Variants in PDE4D observed in about 807,000 individuals in gnomAD.
PDE4D encodes the protein phosphodiesterase 4D.
In PDE4D, 24 loss-of-function variants were observed where a neutral mutation model predicts 87.4. The ratio of observed to expected loss-of-function variants is 0.27; its 90% CI spans 0.20 to 0.39. The LOEUF is 0.39. Among genes scored for constraint, PDE4D ranks in the 10% least tolerant of loss-of-function variants. The pLI is 1.00. For missense variants in PDE4D, 714 were observed against 1,041.0 expected (o/e 0.69, Z 4.32); for synonymous variants, 384 against 383.2 (o/e 1.00, Z -0.02).
intron 2 of PDE4D, among the ~76,000 whole-genome samples, chr5:59,213,678 C>A (rs981434126): frequency 2.0e-5 from 3 of 152,118 alleles, no homozygotes. Context: ...TTTCCACTTT[C>A]AATTCACTCC....
chr5:59,414,932 CG>C (rs537108539), intron 1 of PDE4D, among the ~76,000 whole-genome samples: 44 of 152,170 alleles, frequency 2.9e-4, no homozygotes, highest in African/African-American at 1.0e-3. Context: ...CTGGAAGTGA[CG>C]GGCAGTGAAG....
chr5:59,353,893 A>C (rs1780932185), intron 1 of PDE4D, among the ~76,000 whole-genome samples: 1 of 152,196 alleles, frequency 6.6e-6, no homozygotes, highest in Non-Finnish European at 1.5e-5. Context: ...TATTTTGAGC[A>C]TTGTAAAACT....
rs117845920 is a variant in PDE4D, at chr5:60,409,458, C to G, written c.-90+78484G>C. Reference sequence around the variant, plus strand: ...CACAAGTGCTCTGAAGTTATGGTCTCTTCCCTAAAACCAGAAGCTATCCAA... The same window carrying G: ...CACAAGTGCTCTGAAGTTATGGTCTGTTCCCTAAAACCAGAAGCTATCCAA... On this transcript the variant is annotated intron_variant, in intron 1 of 16. Transcript: ENST00000502484. Among the ~76,000 whole-genome samples the G allele has an allele frequency of 6.4e-4, 97 of 152,204 alleles. 1 individual carries two copies. The East Asian group carries it at 0.018, about 28-fold the overall frequency.
At chr5:59,853,836 T>G (rs1248605852) in intron 1 of PDE4D, among the ~76,000 whole-genome samples, 3 of 152,054 alleles carry the variant, frequency 2.0e-5, no homozygotes, top group African/African-American at 7.2e-5. Flanking sequence ...ATCTTGCTCT[T>G]TTTTGGTTTC....
At chr5:59,293,989 T>C (rs1392440733) in intron 1 of PDE4D, among the ~76,000 whole-genome samples, 6 of 152,148 alleles carry the variant, frequency 3.9e-5, no homozygotes, top group Non-Finnish European at 2.9e-5. Flanking sequence ...CCCAACTCCT[T>C]GGAGATCATT....
At chr5:59,712,393 C>CATATATATAT (rs5868190) in intron 1 of PDE4D, among the ~76,000 whole-genome samples, 287 of 122,532 alleles carry the variant, frequency 2.3e-3, no homozygotes, top group African/African-American at 4.3e-3. Flanking sequence ...TAATATTATT[C>CATATATATAT]ATATATATAT....
chr5:59,964,501 G>C (rs867877907), intron 3 of PDE4D, among the ~76,000 whole-genome samples: 2 of 152,028 alleles, frequency 1.3e-5, no homozygotes, highest in South Asian at 4.1e-4. Context: ...TCCTTCTCCT[G>C]AGTGTCCACA....
At chr5:59,019,124 T>C (rs1045614972) in intron 6 of PDE4D, among the ~76,000 whole-genome samples, 1 of 152,112 alleles carries the variant, frequency 6.6e-6, no homozygotes, top group African/African-American at 2.4e-5. Flanking sequence ...ATTCTGTCCA[T>C]TATTCAGGTT....
chr5:59,782,341 C>T (rs185342270), intron 1 of PDE4D, among the ~76,000 whole-genome samples: 5 of 152,292 alleles, frequency 3.3e-5, no homozygotes, highest in Admixed American at 2.0e-4. Context: ...GCTTAGTACC[C>T]ACTTTTTAAA....
intron 5 of PDE4D, among the ~76,000 whole-genome samples, chr5:59,060,918 A>T (rs1489103380): frequency 6.6e-6 from 1 of 152,078 alleles, no homozygotes; most frequent in Non-Finnish European, 1.5e-5. Flanking sequence ...CATTGTGAGG[A>T]ACCAAAAAAT....
In PDE4D at chr5:59,480,282, T is replaced by C. The variant is rs1371588934; in HGVS notation, c.456-264314A>G. ...ATAGAATAGTTTACATTAGAATAAATGTAACATTAGAATAAATGCAACATT... is the reference window on the plus strand; with the variant it reads ...ATAGAATAGTTTACATTAGAATAAACGTAACATTAGAATAAATGCAACATT... On this transcript the variant is annotated intron_variant, in intron 1 of 14. Coordinates refer to ENST00000340635, the MANE Select transcript of PDE4D (RefSeq NM_001104631.2). Among the ~76,000 whole-genome samples, 11 of 152,122 alleles carry C rather than the reference T, an allele frequency of 7.2e-5. No individual in the cohort carries two copies. In the East Asian group the frequency reaches 2.1e-3, roughly 29 times the overall value.
chr5:59,905,917 A>G (rs1297477415), intron 3 of PDE4D, among the ~76,000 whole-genome samples: 2 of 152,130 alleles, frequency 1.3e-5, no homozygotes, highest in Non-Finnish European at 2.9e-5. Context: ...TTAGTGAGAT[A>G]AAGAGCTTCT....
At chr5:59,416,287 G>C (rs934601173) in intron 1 of PDE4D, among the ~76,000 whole-genome samples, 1 of 152,124 alleles carries the variant, frequency 6.6e-6, no homozygotes, top group Admixed American at 6.6e-5. Flanking sequence ...AATTTTATCA[G>C]AGAATCCCAG....
intron 3 of PDE4D, among the ~76,000 whole-genome samples, chr5:59,187,527 T>C (rs528456444): frequency 1.1e-3 from 174 of 152,308 alleles, no homozygotes; most frequent in African/African-American, 3.8e-3. Context: ...AGTATTATTC[T>C]TTATATTTTA....
At chr5:59,758,425 CA>C (rs1338435400) in intron 1 of PDE4D, among the ~76,000 whole-genome samples, 1 of 152,142 alleles carries the variant, frequency 6.6e-6, no homozygotes, top group East Asian at 1.9e-4. Flanking sequence ...AATTTCTTCT[CA>C]GATCAACTTT....
intron 1 of PDE4D, among the ~76,000 whole-genome samples, chr5:59,266,171 A>C (rs1008107250): frequency 6.6e-6 from 1 of 151,938 alleles, no homozygotes; most frequent in Non-Finnish European, 1.5e-5. Flanking sequence ...CTAAGGCAGG[A>C]GGATTGAGAC....
At chr5:60,041,602 C>G (rs971991833) in intron 2 of PDE4D, among the ~76,000 whole-genome samples, 5 of 152,090 alleles carry the variant, frequency 3.3e-5, no homozygotes, top group Non-Finnish European at 1.5e-5. Context: ...CGGAGATACC[C>G]AGCTCATCTC....
At chr5:60,411,201 T>C (rs1472209933) in intron 1 of PDE4D, among the ~76,000 whole-genome samples, 1 of 152,238 alleles carries the variant, frequency 6.6e-6, no homozygotes, top group Non-Finnish European at 1.5e-5. Context: ...GGTATAATTT[T>C]CATTGCTGAT....
At chr5:59,285,171 C>A (rs1285450707) in intron 1 of PDE4D, among the ~76,000 whole-genome samples, 5 of 137,622 alleles carry the variant, frequency 3.6e-5, no homozygotes, top group Non-Finnish European at 6.2e-5. Flanking sequence ...ATGTAACTAA[C>A]CTGCACAATG....
Sources: allele counts gnomAD v4.1 joint callset (sites outside exome capture counted in the v4.1 genomes callset), GRCh38; gene constraint gnomAD v4.1.1; transcripts MANE v1.5; gene names NCBI Gene and HGNC (gene_info 2026-07-23, HGNC 2026-07-21).